The following TRIM44 variants were observed in gnomAD, a reference collection of about 807,000 sequenced individuals.
TRIM44 encodes the protein tripartite motif-containing protein 44.
A neutral mutation model predicts 37.4 loss-of-function variants in TRIM44; 13 were observed. The observed-to-expected ratio is 0.35, with a 90% confidence interval of 0.23 to 0.55. TRIM44 has a LOEUF of 0.55. Ranked by LOEUF, TRIM44 falls within the 20% of genes least tolerant of loss-of-function variation. TRIM44 has a pLI of 0.89. For missense variants in TRIM44, 426 were observed against 437.2 expected, an observed-to-expected ratio of 0.97 and a Z score of 0.23; for synonymous variants, 175 against 157.2, an observed-to-expected ratio of 1.11 and a Z score of -0.85.
intron 2 of TRIM44, among the ~76,000 whole-genome samples, chr11:35,704,918 C>T (rs1159966070): frequency 6.6e-6 from 1 of 150,842 alleles, no homozygotes; most frequent in Admixed American, 6.6e-5. Context: ...ACAATATTAA[C>T]TTTAAATGTA....
In TRIM44 at chr11:35,815,579, T is replaced by C. The variant is rs913856057; in HGVS notation, c.*9194T>C. The C allele has an allele frequency of 3.3e-5, 5 of 152,230 alleles. No individual in the cohort carries two copies. Among genetic ancestry groups the C allele is most frequent in the African/African-American group, 1.2e-4 (5 of 41,468 alleles). The allele number at this position is 152,230 out of a possible 1,614,324, so 9.4% of individuals were successfully genotyped here. On this transcript the variant is annotated 3_prime_UTR_variant, in exon 5 of 5. Transcript: ENST00000299413. ...CCAAATTAATATTTTCCCTGGAAGATTCTGACCTGTCTGATCAAATAAAGG... is the reference window on the plus strand; with the variant it reads ...CCAAATTAATATTTTCCCTGGAAGACTCTGACCTGTCTGATCAAATAAAGG...
intron 4 of TRIM44, among the ~76,000 whole-genome samples, chr11:35,756,857 C>A (rs968905966): frequency 8.5e-5 from 13 of 152,094 alleles, no homozygotes; most frequent in African/African-American, 3.1e-4. Flanking sequence ...GGATGAAGCC[C>A]ACTTGATCAT....
chr11:35,740,965 T>A (rs1852389958), intron 4 of TRIM44, among the ~76,000 whole-genome samples: 1 of 152,174 alleles, frequency 6.6e-6, no homozygotes, highest in Non-Finnish European at 1.5e-5. Context: ...AACCATATGT[T>A]CTTAGATATG....
chr11:35,695,776 C>T (rs910809328), intron 2 of TRIM44, among the ~76,000 whole-genome samples: 4 of 151,832 alleles, frequency 2.6e-5, no homozygotes, highest in African/African-American at 4.8e-5. Context: ...ACATAATAAC[C>T]ACAGTTATGA....
chr11:35,692,937 A>G (rs1285074977), intron 2 of TRIM44, among the ~76,000 whole-genome samples: 1 of 151,912 alleles, frequency 6.6e-6, no homozygotes, highest in African/African-American at 2.4e-5. Flanking sequence ...AAAAAAAAAG[A>G]AAAAGAAAAA....
intron 4 of TRIM44, among the ~76,000 whole-genome samples, chr11:35,782,965 G>A (rs933516822): frequency 1.3e-5 from 2 of 152,090 alleles, no homozygotes; most frequent in Non-Finnish European, 2.9e-5. Context: ...AGGAACATTT[G>A]GAGAGCCAGG....
At chr11:35,689,630 CAG>C (rs1851618249) in intron 2 of TRIM44, among the ~76,000 whole-genome samples, 5 of 152,176 alleles carry the variant, frequency 3.3e-5, no homozygotes, top group South Asian at 2.1e-4. Flanking sequence ...TGTAATCAGT[CAG>C]GGGTATGTGT....
intron 2 of TRIM44, among the ~76,000 whole-genome samples, chr11:35,702,461 A>G (rs1851802158): frequency 6.6e-6 from 1 of 152,200 alleles, no homozygotes; most frequent in African/African-American, 2.4e-5. Context: ...TATGAACGGA[A>G]TCTGCCGTAT....
At chr11:35,711,958 TC>T (rs1031537574) in intron 2 of TRIM44, among the ~76,000 whole-genome samples, 1 of 152,162 alleles carries the variant, frequency 6.6e-6, no homozygotes, top group African/African-American at 2.4e-5. Flanking sequence ...AATTAACACT[TC>T]CTAGGAATAA....
chr11:35,794,394 C>G (rs763913752), intron 4 of TRIM44, among the ~76,000 whole-genome samples: 2 of 152,166 alleles, frequency 1.3e-5, no homozygotes, highest in Non-Finnish European at 2.9e-5. Context: ...TATAGAGAAG[C>G]CAGATGAGAA....
chr11:35,674,741 G>A (rs747340045), intron 1 of TRIM44, among the ~76,000 whole-genome samples: 2 of 152,170 alleles, frequency 1.3e-5, no homozygotes, highest in African/African-American at 2.4e-5. Flanking sequence ...TGGTGGATAC[G>A]AAGAAGAATA....
At chr11:35,669,585 C>T (rs1409619900) in intron 1 of TRIM44, among the ~76,000 whole-genome samples, 2 of 152,050 alleles carry the variant, frequency 1.3e-5, no homozygotes, top group Non-Finnish European at 2.9e-5. Flanking sequence ...AAGTGATTCT[C>T]CTACCTCAGC....
intron 1 of TRIM44, among the ~76,000 whole-genome samples, chr11:35,671,277 T>G (rs1851390755): frequency 1.3e-5 from 2 of 152,156 alleles, no homozygotes. Context: ...ACAGGAAATA[T>G]CCTTGCTCTA....
At chr11:35,725,060 ACACAC>A (rs749093858) in intron 2 of TRIM44, among the ~76,000 whole-genome samples, 76 of 99,326 alleles carry the variant, frequency 7.7e-4, no homozygotes, top group Non-Finnish European at 5.7e-4. Context: ...GGAGACATGC[ACACAC>A]TCACACACAC....
intron 2 of TRIM44, among the ~76,000 whole-genome samples, chr11:35,690,626 G>A (rs1006016492): frequency 2.0e-5 from 3 of 152,168 alleles, no homozygotes; most frequent in African/African-American, 4.8e-5. Context: ...TGGTTGATGA[G>A]TTACTAGAAT....
At chr11:35,757,916 C>G (rs930936865) in intron 4 of TRIM44, among the ~76,000 whole-genome samples, 1 of 152,108 alleles carries the variant, frequency 6.6e-6, no homozygotes, top group Non-Finnish European at 1.5e-5. Flanking sequence ...ACTTTACTTC[C>G]CACTATGCGG....
chr11:35,720,165 A>G (rs868383099), intron 2 of TRIM44, among the ~76,000 whole-genome samples: 4 of 152,216 alleles, frequency 2.6e-5, no homozygotes, highest in South Asian at 2.1e-4. Context: ...CTTTTTCTCA[A>G]CATGGAATGT....
intron 4 of TRIM44, among the ~76,000 whole-genome samples, chr11:35,779,443 A>C (rs1185444150): frequency 6.6e-6 from 1 of 151,912 alleles, no homozygotes; most frequent in African/African-American, 2.4e-5. Context: ...CGTGAGCTGC[A>C]CCCACTGTCC....
At chr11:35,797,494 T>C (rs1016423486) in intron 4 of TRIM44, among the ~76,000 whole-genome samples, 19 of 152,150 alleles carry the variant, frequency 1.2e-4, no homozygotes, top group African/African-American at 4.6e-4. Context: ...AGCCATACCA[T>C]AGAAAAACAT....
Sources: gnomAD v4.1 joint callset for allele counts (sites outside exome capture counted in the v4.1 genomes callset) on GRCh38, gnomAD v4.1.1 for gene constraint, MANE v1.5 for transcripts, NCBI Gene and HGNC (gene_info 2026-07-23, HGNC 2026-07-21) for gene names.